The following FRMPD3 variants were observed in gnomAD, a reference collection of about 807,000 sequenced individuals.
The protein encoded by FRMPD3 is FERM and PDZ domain containing 3.
In FRMPD3, 42 loss-of-function variants were observed where a neutral mutation model predicts 97.9. The ratio of observed to expected loss-of-function variants is 0.43; its 90% CI spans 0.34 to 0.55. The LOEUF (loss-of-function observed/expected upper bound fraction) is 0.55. Ranked by LOEUF, FRMPD3 falls within the 20% of genes least tolerant of loss-of-function variation. The probability of loss-of-function intolerance (pLI) is 0.03; values close to 1 mark genes in which losing one functional copy is unlikely to be tolerated. For synonymous variants in FRMPD3, 577 were observed against 581.1 expected (o/e 0.99, Z 0.10); for missense variants, 1,303 against 1,457.7 (o/e 0.89, Z 1.73).
At chrX:107,545,876 T>C (rs764233165) in intron 5 of FRMPD3, 35 bp downstream of exon 5, 15 of 1,071,630 alleles carry the variant, frequency 1.4e-5, no homozygotes, top group Non-Finnish European at 1.9e-5. Context: ...CCTCAGCCCC[T>C]GGCCATAATC....
chrX:107,591,913 A>G (rs1353958755), intron 13 of FRMPD3, among the ~76,000 whole-genome samples: 1 of 111,944 alleles, frequency 8.9e-6, no homozygotes, highest in Non-Finnish European at 1.9e-5. Flanking sequence ...AAACAATCCA[A>G]TTATACTCTT....
intron 1 of FRMPD3, among the ~76,000 whole-genome samples, chrX:107,505,531 G>T (rs1005111673): frequency 1.8e-5 from 2 of 112,363 alleles, no homozygotes; most frequent in South Asian, 3.7e-4. Flanking sequence ...CTACACTCTA[G>T]CCTGGACAAT....
chrX:107,557,797 C>CTATATATATATATA (rs59276897), intron 8 of FRMPD3, among the ~76,000 whole-genome samples: 7 of 30,028 alleles, frequency 2.3e-4, no homozygotes, highest in Non-Finnish European at 4.1e-4. Context: ...AATCTGTTGT[C>CTATATATATATATA]TATATATATA....
chrX:107,481,289 T>G (rs1921364281), intron 1 of FRMPD3, among the ~76,000 whole-genome samples: 2 of 112,318 alleles, frequency 1.8e-5, no homozygotes, highest in South Asian at 7.5e-4. Flanking sequence ...TCCATCTCAG[T>G]GCTGGCAGGG....
intron 1 of FRMPD3, among the ~76,000 whole-genome samples, chrX:107,473,432 G>A (rs1324649419): frequency 9.0e-6 from 1 of 110,730 alleles, no homozygotes; most frequent in African/African-American, 3.3e-5. Flanking sequence ...TTGCGGGCAC[G>A]GAATCTGTCC....
chrX:107,551,954 TTA>T (rs998237753), intron 6 of FRMPD3, among the ~76,000 whole-genome samples: 2 of 112,210 alleles, frequency 1.8e-5, no homozygotes, highest in African/African-American at 6.5e-5. Context: ...TAAAGATGTT[TTA>T]TATTCCCAAG....
chrX:107,578,858 CT>C (rs1923248685), intron 13 of FRMPD3, among the ~76,000 whole-genome samples: 1 of 111,303 alleles, frequency 9.0e-6, no homozygotes, highest in South Asian at 3.9e-4. Flanking sequence ...GTTCACTGAG[CT>C]GCCACTGCCC....
intron 13 of FRMPD3, among the ~76,000 whole-genome samples, chrX:107,589,809 G>A (rs901539612): frequency 8.9e-6 from 1 of 112,506 alleles, no homozygotes; most frequent in Non-Finnish European, 1.9e-5. Context: ...ATTGTAAATA[G>A]AAGGGCTTTC....
At chrX:107,521,240 G>A (rs1419445303) in intron 1 of FRMPD3, among the ~76,000 whole-genome samples, 2 of 112,275 alleles carry the variant, frequency 1.8e-5, no homozygotes, top group African/African-American at 6.5e-5. Context: ...TTTTAACCCA[G>A]GCCTTCAATG....
intron 1 of FRMPD3, among the ~76,000 whole-genome samples, chrX:107,506,425 C>A (rs1922028356): frequency 8.9e-6 from 1 of 112,730 alleles, no homozygotes; most frequent in Admixed American, 9.3e-5. Context: ...ATTTGAGATC[C>A]TTTGGGGTTT....
At chrX:107,562,767 G>T (rs5962849) in intron 10 of FRMPD3, among the ~76,000 whole-genome samples, 4 of 111,750 alleles carry the variant, frequency 3.6e-5, no homozygotes, top group Non-Finnish European at 7.5e-5. Context: ...TGACCAGCAT[G>T]TACATGACTC....
intron 4 of FRMPD3, among the ~76,000 whole-genome samples, chrX:107,543,739 C>T (rs1466235156): frequency 1.9e-5 from 2 of 107,857 alleles, no homozygotes; most frequent in Middle Eastern, 4.3e-3. Context: ...TCACTTGAAC[C>T]GCGGAGACAG....
chrX:107,549,601 C>A (rs998618649), intron 5 of FRMPD3, among the ~76,000 whole-genome samples: 3 of 111,426 alleles, frequency 2.7e-5, no homozygotes, highest in Non-Finnish European at 3.8e-5. Flanking sequence ...CTTGACAGGA[C>A]GTGATCTTGG....
chrX:107,604,883 G>A lies in FRMPD3; in HGVS notation c.*1510G>A, dbSNP rs933499444. ...GCAATAAAGTCTCCCTGAGTGGTGA[G>A]TTCTCCCGGCAAGGAGGAGGGGAGT... On this transcript the variant is annotated 3_prime_UTR_variant, in exon 15 of 15. Coordinates refer to ENST00000683843, the MANE Select transcript of FRMPD3 (RefSeq NM_001388459.1). 2 of 110,544 alleles carry A rather than the reference G, an allele frequency of 1.8e-5. No individual in the cohort carries two copies. Among genetic ancestry groups the A allele is most frequent in the Admixed American group, 9.7e-5 (1 of 10,282 alleles). 9.1% of individuals were successfully genotyped at this position (110,544 alleles called of 1,213,427 possible). A position where few individuals can be genotyped will look rare whatever the true frequency, so the allele number is the denominator to read the frequency against.
intron 12 of FRMPD3, among the ~76,000 whole-genome samples, chrX:107,572,232 G>A (rs1189337759): frequency 3.6e-5 from 4 of 111,516 alleles, no homozygotes; most frequent in Non-Finnish European, 7.5e-5. Flanking sequence ...TTCAGCCAGA[G>A]GGAACAGCAT....
chrX:107,459,833 A>G (rs1204095215), intron 1 of FRMPD3, among the ~76,000 whole-genome samples: 6 of 111,076 alleles, frequency 5.4e-5, no homozygotes, highest in African/African-American at 2.0e-4. Flanking sequence ...ACAGATGGCT[A>G]GATTGGTGGA....
intron 1 of FRMPD3, among the ~76,000 whole-genome samples, chrX:107,459,048 T>A (rs1931422524): frequency 8.9e-6 from 1 of 112,363 alleles, no homozygotes. Flanking sequence ...GGAGCTAAGA[T>A]AACATTGGGC....
intron 1 of FRMPD3, among the ~76,000 whole-genome samples, chrX:107,452,538 C>T (rs945959100): frequency 1.8e-5 from 2 of 111,746 alleles, no homozygotes; most frequent in African/African-American, 6.5e-5. Context: ...CTGAGGGTTT[C>T]CCAGATATGT....
At chrX:107,493,443 G>T (rs973894247) in intron 1 of FRMPD3, among the ~76,000 whole-genome samples, 1 of 111,590 alleles carries the variant, frequency 9.0e-6, no homozygotes, top group African/African-American at 3.3e-5. Flanking sequence ...AGCTTCTCCA[G>T]AGTGCTAAAG....
Sources: allele counts gnomAD v4.1 joint callset (sites outside exome capture counted in the v4.1 genomes callset), GRCh38; gene constraint gnomAD v4.1.1; transcripts MANE v1.5; gene names NCBI Gene and HGNC (gene_info 2026-07-23, HGNC 2026-07-21).